Variants in PHKA2 observed in about 807,000 individuals in gnomAD.
The protein encoded by PHKA2 is phosphorylase kinase regulatory subunit alpha 2, also known as phosphorylase b kinase regulatory subunit alpha, liver isoform.
In PHKA2, 31 loss-of-function variants were observed where a neutral mutation model predicts 102.0. That is an observed-to-expected ratio of 0.30 (90% CI 0.23 to 0.41). PHKA2 has a LOEUF of 0.41. PHKA2 is among the 10% of genes least tolerant of loss of function. The probability of loss-of-function intolerance (pLI) is 1.00; values close to 1 mark genes in which losing one functional copy is unlikely to be tolerated. For missense variants in PHKA2, 858 were observed against 1,023.1 expected (o/e 0.84, Z 2.20); for synonymous variants, 455 against 416.2 (o/e 1.09, Z -1.13).
chrX:18,907,667 G>A (rs1479864954), intron 22 of PHKA2, among the ~76,000 whole-genome samples: 2 of 111,586 alleles, frequency 1.8e-5, no homozygotes, highest in South Asian at 7.5e-4. Context: ...TTGATTTCCT[G>A]GCGAGACTTT....
chrX:18,962,737 C>T (rs141147070), intron 1 of PHKA2, among the ~76,000 whole-genome samples: 15 of 112,512 alleles, frequency 1.3e-4, no homozygotes, highest in African/African-American at 3.9e-4. Flanking sequence ...GTGAGTACCA[C>T]GTACCAGAAA....
At chrX:18,929,143 TTAAA>T (rs1186302050) in intron 13 of PHKA2, 81 bp downstream of exon 13, 2 of 695,867 alleles carry the variant, frequency 2.9e-6, no homozygotes, top group South Asian at 2.4e-5. Flanking sequence ...TTTAAAAAAA[TTAAA>T]TAAGAAACTA....
chrX:18,983,545 T>C (rs1458799188), intron 1 of PHKA2, among the ~76,000 whole-genome samples: 1 of 111,583 alleles, frequency 9.0e-6, no homozygotes, highest in Non-Finnish European at 1.9e-5. Context: ...CCACACCTCT[T>C]CTCGTCCAAA....
At chrX:18,960,843 C>G (rs1251872037) in intron 1 of PHKA2, among the ~76,000 whole-genome samples, 1 of 112,071 alleles carries the variant, frequency 8.9e-6, no homozygotes, top group Non-Finnish European at 1.9e-5. Flanking sequence ...ATGAACCTAA[C>G]AAGAGGTAAA....
rs2047629556 is a variant in PHKA2, at chrX:18,899,163, G to A, written c.3111+10C>T. On this transcript the variant is annotated intron_variant, in intron 29 of 32. Transcript: ENST00000379942. Reference sequence around the variant, plus strand: ...CGGGGACGGACACAATAATCCCGAGGCACTGTTACCGCAGACTTGGAGGAA... The same window carrying A: ...CGGGGACGGACACAATAATCCCGAGACACTGTTACCGCAGACTTGGAGGAA... The A allele has an allele frequency of 1.7e-6, 2 of 1,201,236 alleles. No individual in the cohort carries two copies. Among genetic ancestry groups the A allele is most frequent in the Non-Finnish European group, 2.3e-6 (2 of 885,792 alleles).
intron 16 of PHKA2, 50 bp downstream of exon 16, chrX:18,924,331 C>A (rs1296871704): frequency 8.4e-7 from 1 of 1,190,746 alleles, no homozygotes; most frequent in African/African-American, 1.8e-5. Context: ...TTGTAAGAGC[C>A]CAAACCACCC....
At chrX:18,907,199 A>G in intron 22 of PHKA2, 102 bp from the exon 23 acceptor site, 1 of 621,453 alleles carries the variant, frequency 1.6e-6, no homozygotes, top group South Asian at 2.4e-5. Context: ...CAGATCGTAC[A>G]TTTACCTTTA....
intron 19 of PHKA2, among the ~76,000 whole-genome samples, chrX:18,911,555 C>T (rs901499617): frequency 1.8e-5 from 2 of 111,610 alleles, no homozygotes; most frequent in East Asian, 5.7e-4. Context: ...GTGATACAGC[C>T]GTCTCAGCCT....
rs192530627 is a variant in PHKA2 at position 18,960,783 on chromosome X, C to T, written c.79-6371G>A. Among the ~76,000 whole-genome samples, 30 of 111,983 alleles carry T rather than the reference C, an allele frequency of 2.7e-4. 2 individuals are homozygous for T. The highest frequency in any genetic ancestry group is 2.7e-3 in the Admixed American group (28 of 10,542). On this transcript the variant is annotated intron_variant, in intron 1 of 32. Transcript: ENST00000379942. ...TGTGCACAGGAGAAGAAAGACACAG[C>T]GAACCATGAGGGTCAGTTCATCATG...
At chrX:18,965,594 G>T (rs766693665) in intron 1 of PHKA2, among the ~76,000 whole-genome samples, 7 of 110,585 alleles carry the variant, frequency 6.3e-5, no homozygotes, top group African/African-American at 9.9e-5. Flanking sequence ...GGTGTGTGTG[G>T]GGGGTGCACA....
At position 18,920,214 on chromosome X, in the gene PHKA2, C is replaced by T; in HGVS notation, c.1794-13G>A. The T allele has an allele frequency of 2.3e-6, 2 of 874,011 alleles. No homozygotes were observed. The highest frequency in any genetic ancestry group is 4.0e-5 in the South Asian group (2 of 50,279). The allele number at this position is 874,011 out of a possible 1,213,427, so 72.0% of individuals were successfully genotyped here. ...CCCTAATTTTACTCTGCCAAGAAGA[C>T]ACCGTGTTAGGGACACAGGTAGTGT... On this transcript the variant is annotated splice_polypyrimidine_tract_variant and intron_variant, in intron 17 of 32. Coordinates refer to ENST00000379942, the MANE Select transcript of PHKA2 (RefSeq NM_000292.3).
intron 19 of PHKA2, among the ~76,000 whole-genome samples, chrX:18,916,713 C>T (rs1443198052): frequency 2.7e-5 from 3 of 111,509 alleles, no homozygotes; most frequent in Non-Finnish European, 3.8e-5. Flanking sequence ...TTTTGTCTTC[C>T]GTCATGACTG....
At chrX:18,894,632 T>TC (rs921383956) in intron 31 of PHKA2, 8 of 443,246 alleles carry the variant, frequency 1.8e-5, no homozygotes, top group South Asian at 1.3e-4. Flanking sequence ...TATCTACCCT[T>TC]CCCCCCATCG....
intron 20 of PHKA2, 62 bp downstream of exon 20, chrX:18,910,809 TG>T: frequency 1.6e-6 from 1 of 643,827 alleles, no homozygotes; most frequent in Non-Finnish European, 2.5e-6. Flanking sequence ...TGGAAGAGTT[TG>T]GGGACTCATC....
chrX:18,895,752 G>A (rs1226989236), intron 30 of PHKA2: 2 of 121,026 alleles, frequency 1.7e-5, no homozygotes, highest in African/African-American at 6.4e-5. Flanking sequence ...GCGGAAGCAT[G>A]TGATGCCCCA....
intron 7 of PHKA2, 45 bp from the exon 8 acceptor site, chrX:18,941,720 T>C (rs1258498957): frequency 1.1e-6 from 1 of 942,852 alleles, no homozygotes; most frequent in East Asian, 3.1e-5. Flanking sequence ...GATGCGCTAA[T>C]AGGCGCAGTA....
chrX:18,965,492 G>A (rs1445563026), intron 1 of PHKA2, among the ~76,000 whole-genome samples: 4 of 111,242 alleles, frequency 3.6e-5, no homozygotes, highest in Non-Finnish European at 5.7e-5. Context: ...TTTGGGTTTG[G>A]AGCATGAAGA....
chrX:18,897,423 G>A, intron 29 of PHKA2, 90 bp from the exon 30 acceptor site: 2 of 872,263 alleles, frequency 2.3e-6, no homozygotes, highest in African/African-American at 2.0e-5. Flanking sequence ...CTGCGACCTA[G>A]GCACAAATGC....
At chrX:18,905,607 G>T in intron 26 of PHKA2, 151 bp downstream of exon 26, 1 of 524,439 alleles carries the variant, frequency 1.9e-6, no homozygotes, top group South Asian at 2.5e-5. Flanking sequence ...AGCCCCCAAA[G>T]CAGGAAGCTT....
Sources: gnomAD v4.1 joint callset for allele counts (sites outside exome capture counted in the v4.1 genomes callset) on GRCh38, gnomAD v4.1.1 for gene constraint, MANE v1.5 for transcripts, NCBI Gene and HGNC (gene_info 2026-07-23, HGNC 2026-07-21) for gene names.